DPP10: variants seen among roughly 807,000 people sequenced by gnomAD.
DPP10 encodes the protein inactive dipeptidyl peptidase 10.
Under a neutral mutation model 120.9 loss-of-function variants are expected in DPP10, and 33 were observed. That is an observed-to-expected ratio of 0.27 (90% CI 0.21 to 0.37). The LOEUF (loss-of-function observed/expected upper bound fraction) is 0.37. Ranked by LOEUF, DPP10 falls within the 10% of genes least tolerant of loss-of-function variation. The pLI is 1.00. For missense variants in DPP10, 816 were observed against 942.8 expected, an observed-to-expected ratio of 0.87 and a Z score of 1.76; for synonymous variants, 337 against 326.1, an observed-to-expected ratio of 1.03 and a Z score of -0.36.
At chr2:114,743,413 T>A (rs1346027616) in intron 1 of DPP10, among the ~76,000 whole-genome samples, 3 of 62,958 alleles carry the variant, frequency 4.8e-5, no homozygotes, top group Admixed American at 1.8e-4. Context: ...TACCCTTGCA[T>A]GGAAATAGAA....
At chr2:114,586,925 T>C (rs2105126831) in intron 1 of DPP10, among the ~76,000 whole-genome samples, 1 of 152,356 alleles carries the variant, frequency 6.6e-6, no homozygotes, top group South Asian at 2.1e-4. Context: ...GACTGAAGCC[T>C]TCTCCAGAAG....
At chr2:115,341,335 T>G (rs1167782274) in intron 2 of DPP10, among the ~76,000 whole-genome samples, 1 of 152,068 alleles carries the variant, frequency 6.6e-6, no homozygotes, top group Non-Finnish European at 1.5e-5. Flanking sequence ...GGTACAGGAA[T>G]TTCCCATATT....
chr2:115,452,740 A>G (rs1574890099), intron 3 of DPP10, among the ~76,000 whole-genome samples: 1 of 151,904 alleles, frequency 6.6e-6, no homozygotes, highest in South Asian at 2.1e-4. Context: ...AACTTTCTCT[A>G]TGACATAAGA....
At chr2:114,697,071 A>G (rs1700111392) in intron 1 of DPP10, among the ~76,000 whole-genome samples, 1 of 152,120 alleles carries the variant, frequency 6.6e-6, no homozygotes, top group African/African-American at 2.4e-5. Context: ...GTATAGCACT[A>G]GAATGATAGT....
intron 1 of DPP10, among the ~76,000 whole-genome samples, chr2:115,176,192 A>G (rs2053675508): frequency 6.6e-6 from 1 of 151,408 alleles, no homozygotes; most frequent in South Asian, 2.1e-4. Context: ...CAAAATTATT[A>G]GTATTTTTAT....
Position 114,936,959 on chromosome 2 carries a change from ATTTG to A in DPP10, c.61-372275_61-372272del, listed in dbSNP as rs1470017842. Among the ~76,000 whole-genome samples, 25 of 152,048 alleles carry A rather than the reference ATTTG, an allele frequency of 1.6e-4. 1 individual carries two copies. Among genetic ancestry groups the A allele is most frequent in the African/African-American group, 5.5e-4 (23 of 41,462 alleles). ...GGACTGTCTGGTTTTCTTCTTGCTG[ATTTG>A]TTTGAGTTCTTTGTAGATTCTGGAT... On this transcript the variant is annotated intron_variant, in intron 1 of 25. Transcript: ENST00000410059.
chr2:114,803,576 T>A (rs1009509020), intron 1 of DPP10, among the ~76,000 whole-genome samples: 4 of 152,098 alleles, frequency 2.6e-5, no homozygotes, highest in African/African-American at 9.7e-5. Flanking sequence ...AGATGAGGAA[T>A]TTGCTGGGAA....
chr2:115,477,299 A>G (rs1417735324), intron 3 of DPP10, among the ~76,000 whole-genome samples: 5 of 152,196 alleles, frequency 3.3e-5, no homozygotes, highest in Admixed American at 6.5e-5. Context: ...CTAATTAAAA[A>G]CAATAAGCAA....
intron 5 of DPP10, among the ~76,000 whole-genome samples, chr2:115,550,003 T>G (rs2079775985): frequency 6.6e-6 from 1 of 152,262 alleles, no homozygotes; most frequent in East Asian, 1.9e-4. Flanking sequence ...CTTCTCAGAA[T>G]ATACAAATCA....
chr2:115,577,970 A>G (rs2081780945), intron 5 of DPP10, among the ~76,000 whole-genome samples: 2 of 152,202 alleles, frequency 1.3e-5, no homozygotes, highest in African/African-American at 4.8e-5. Context: ...TAACATTATT[A>G]CAATTATTAA....
intron 3 of DPP10, among the ~76,000 whole-genome samples, chr2:115,481,331 C>G (rs11123307): frequency 0.56 from 85,149 of 151,832 alleles, 25,122 homozygotes; most frequent in Non-Finnish European, 0.68. Context: ...AATAGTGACT[C>G]TCTTAGCTTC....
At chr2:115,092,410 A>G (rs1709339753) in intron 1 of DPP10, among the ~76,000 whole-genome samples, 2 of 152,130 alleles carry the variant, frequency 1.3e-5, no homozygotes, top group Admixed American at 6.6e-5. Context: ...CCAGCATAAA[A>G]TAGTGTTTCT....
intron 1 of DPP10, among the ~76,000 whole-genome samples, chr2:114,457,795 C>T (rs140405498): frequency 1.3e-3 from 200 of 152,280 alleles, no homozygotes; most frequent in African/African-American, 4.6e-3. Context: ...GAAGGACGCT[C>T]CTGCATTTCT....
intron 1 of DPP10, among the ~76,000 whole-genome samples, chr2:114,847,046 A>G (rs1688597430): frequency 1.3e-5 from 2 of 150,534 alleles, no homozygotes; most frequent in South Asian, 4.2e-4. Flanking sequence ...CTTCTGAGGC[A>G]GTGGTGCTAT....
intron 5 of DPP10, among the ~76,000 whole-genome samples, chr2:115,684,213 G>A (rs2090841801): frequency 6.6e-6 from 1 of 151,676 alleles, no homozygotes; most frequent in Admixed American, 6.6e-5. Context: ...TTTGTTAAAA[G>A]GGCAATGTTT....
intron 3 of DPP10, among the ~76,000 whole-genome samples, chr2:115,395,913 A>G (rs146366301): frequency 2.0e-5 from 3 of 152,232 alleles, no homozygotes; most frequent in Non-Finnish European, 4.4e-5. Context: ...CTGTGTATAT[A>G]TTATATTCTC....
At chr2:114,655,521 T>C (rs1032056726) in intron 1 of DPP10, among the ~76,000 whole-genome samples, 3 of 152,200 alleles carry the variant, frequency 2.0e-5, no homozygotes, top group African/African-American at 7.2e-5. Context: ...ACTAGTGCTC[T>C]TTTTACTGGC....
At chr2:115,519,154 T>G (rs2077660515) in intron 4 of DPP10, among the ~76,000 whole-genome samples, 1 of 152,298 alleles carries the variant, frequency 6.6e-6, no homozygotes, top group African/African-American at 2.4e-5. Context: ...TATTAATAGA[T>G]TTCAGTGATC....
chr2:114,941,829 C>T (rs1182597324), intron 1 of DPP10, among the ~76,000 whole-genome samples: 1 of 152,124 alleles, frequency 6.6e-6, no homozygotes, highest in East Asian at 1.9e-4. Context: ...CTGTGATGAT[C>T]TCTATAGGGG....
Sources: gnomAD v4.1 joint callset for allele counts (sites outside exome capture counted in the v4.1 genomes callset) on GRCh38, gnomAD v4.1.1 for gene constraint, MANE v1.5 for transcripts, NCBI Gene and HGNC (gene_info 2026-07-23, HGNC 2026-07-21) for gene names.